The following HFE variants were observed in gnomAD, a reference collection of about 807,000 sequenced individuals.
The protein encoded by HFE is hereditary hemochromatosis protein.
Under a neutral mutation model 40.9 loss-of-function variants are expected in HFE, and 36 were observed. That is an observed-to-expected ratio of 0.88 (90% CI 0.67 to 1.16). The LOEUF is 1.16. Among genes scored for constraint, HFE ranks in the 50% most tolerant of loss-of-function variants. HFE has a pLI of 0.00. For synonymous variants in HFE, 157 were observed against 165.4 expected, an observed-to-expected ratio of 0.95 and a Z score of 0.39; for missense variants, 376 against 432.0, an observed-to-expected ratio of 0.87 and a Z score of 1.15.
rs1046268263 is a variant in HFE, at chr6:26,096,800, T to A, written c.*2574T>A. On this transcript the variant is annotated 3_prime_UTR_variant, in exon 6 of 6. Transcript: ENST00000357618. ...GTATTATTGTTGCATTAAAAATGCA[T>A]ATACTTTAATAAATGTATATTGTAT... 1 of 359,144 alleles carries A rather than the reference T, an allele frequency of 2.8e-6. No individual in the cohort carries two copies. The highest frequency in any genetic ancestry group is 5.4e-6 in the Non-Finnish European group (1 of 185,378). 22.2% of individuals were successfully genotyped at this position (359,144 alleles called of 1,614,324 possible).
chr6:26,092,569 T>C (rs565602916), intron 3 of HFE, 116 bp from the exon 4 acceptor site: 1 of 1,597,584 alleles, frequency 6.3e-7, no homozygotes, highest in Non-Finnish European at 8.5e-7. Flanking sequence ...CTGTAGCTTG[T>C]TTTTTTCTGA....
At chr6:26,089,417 A>T (rs1289793231) in intron 1 of HFE, among the ~76,000 whole-genome samples, 1 of 152,194 alleles carries the variant, frequency 6.6e-6, no homozygotes, top group Non-Finnish European at 1.5e-5. Context: ...CTAGCCAAGG[A>T]GTAACAGTGA....
chr6:26,087,483 T>C lies in HFE; in HGVS notation c.43T>C (p.Leu15=). ...GCCGGCGCTTCTCCTCCTGATGCTT[T>C]TGCAGACCGCGGTCCTGCAGGGGCG... ...ARPALLLLML[L]QTAVLQGRLL... Residue 15 remains leucine (L), a synonymous_variant, in exon 1 of 6, where the codon TTG becomes CTG. Coordinates refer to ENST00000357618, the MANE Select transcript of HFE (RefSeq NM_000410.4). 1.2e-6 allele frequency: 2 copies of C among 1,614,030 alleles called. No individual in the cohort carries two copies. Among genetic ancestry groups the C allele is most frequent in the South Asian group, 1.1e-5 (1 of 91,086 alleles).
Position 26,091,034 on chromosome 6 carries a change from T to A in HFE, c.270T>A (p.Ser90Arg). The A allele has an allele frequency of 6.2e-7, 1 of 1,614,068 alleles. No individual in the cohort carries two copies. The highest frequency in any genetic ancestry group is 1.1e-5 in the South Asian group (1 of 91,078). The change falls in exon 2 of 6, where the codon AGT becomes AGA. Residue 90 changes from serine to arginine, a missense_variant. Physicochemically the swap from Ser to Arg is moderately radical, Grantham distance 110. This residue lies in a region of HFE where 200 missense variants were observed against 228.5 expected (regional missense o/e 0.88). Transcript: ENST00000357618. ...SSQMWLQLSQ[S>R]LKGWDHMFTV... Reference sequence around the variant, plus strand: ...AGATGTGGCTGCAGCTGAGTCAGAGTCTGAAAGGGTGGGATCACATGTTCA... The same window carrying A: ...AGATGTGGCTGCAGCTGAGTCAGAGACTGAAAGGGTGGGATCACATGTTCA...
In HFE at chr6:26,090,871, G is replaced by T. The variant is rs1364493082; in HGVS notation, c.107G>T (p.Gly36Val). The T allele has an allele frequency of 1.2e-6, 2 of 1,613,966 alleles. No homozygotes were observed. Among genetic ancestry groups the T allele is most frequent in the African/African-American group, 2.7e-5 (2 of 74,894 alleles). ...RSHSLHYLFM[G>V]ASEQDLGLSL... Reference sequence around the variant, plus strand: ...CACTCTCTGCACTACCTCTTCATGGGTGCCTCAGAGCAGGACCTTGGTCTT... The same window carrying T: ...CACTCTCTGCACTACCTCTTCATGGTTGCCTCAGAGCAGGACCTTGGTCTT... Residue 36 changes from glycine (G) to valine (V), a missense_variant, in exon 2 of 6, where the codon GGT becomes GTT. By Grantham distance (109) the Gly-to-Val change is moderately radical (BLOSUM62 -3). Around this residue, in one of 3 missense-constraint regions of HFE, gnomAD observed 200 missense variants for 228.5 expected, o/e 0.88. Coordinates refer to ENST00000357618, the MANE Select transcript of HFE (RefSeq NM_000410.4).
In HFE at chr6:26,093,569, G is replaced by A. The variant is rs545370844; in HGVS notation, c.1006+337G>A. On this transcript the variant is annotated intron_variant, in intron 5 of 5. Coordinates refer to ENST00000357618, the MANE Select transcript of HFE (RefSeq NM_000410.4). ...AATGTAGTTAAAGAAGACCCCATGA[G>A]GTCCTAAAGCAGGCAGGAAGCAAAT... Among the ~76,000 whole-genome samples the A allele has an allele frequency of 1.8e-4, 27 of 152,190 alleles. No individual in the cohort carries two copies. In the East Asian group the frequency reaches 5.0e-3, roughly 28 times the overall value.
At chr6:26,089,998 A>G (rs1762564291) in intron 1 of HFE, among the ~76,000 whole-genome samples, 1 of 152,162 alleles carries the variant, frequency 6.6e-6, no homozygotes, top group Admixed American at 6.5e-5. Flanking sequence ...TGGCCTGAGC[A>G]GTGGGGTAAT....
In HFE at chr6:26,095,675, T is replaced by C. The variant is rs917395340; in HGVS notation, c.*1449T>C. ...AAATAGAGAAGGAAGGAGATGGCTC[T>C]TCTCTTGTCTCATTGTGTTTCTTCT... On this transcript the variant is annotated 3_prime_UTR_variant, in exon 6 of 6. Coordinates refer to ENST00000357618, the MANE Select transcript of HFE (RefSeq NM_000410.4). 2 of 152,208 alleles carry C rather than the reference T, an allele frequency of 1.3e-5. No homozygotes were observed. The highest frequency in any genetic ancestry group is 2.9e-5 in the Non-Finnish European group (2 of 68,038). The allele number at this position is 152,208 out of a possible 1,614,324, so 9.4% of individuals were successfully genotyped here. A position where few individuals can be genotyped will look rare whatever the true frequency, so the allele number is the denominator to read the frequency against.
chr6:26,092,146 C>A (rs1762756888), intron 3 of HFE, among the ~76,000 whole-genome samples: 1 of 141,786 alleles, frequency 7.1e-6, no homozygotes. Context: ...TGCACTCCAG[C>A]CTAGGCAGCA....
Position 26,096,966 on chromosome 6 carries a change from G to A in HFE, c.*2740G>A, listed in dbSNP as rs17596719. On this transcript the variant is annotated 3_prime_UTR_variant, in exon 6 of 6. Transcript: ENST00000357618. Reference sequence around the variant, plus strand: ...ATATTTTCATTCAACTGTGGTAGCCGAATTAATCGTGTTTCTTCACTCTAG... The same window carrying A: ...ATATTTTCATTCAACTGTGGTAGCCAAATTAATCGTGTTTCTTCACTCTAG... The A allele has an allele frequency of 0.1, 21,827 of 212,730 alleles. 1,498 individuals are homozygous for A. Among genetic ancestry groups the A allele is most frequent in the South Asian group, 0.19 (3,214 of 16,564 alleles). The allele number at this position is 212,730 out of a possible 1,614,324, so 13.2% of individuals were successfully genotyped here.
In HFE at chr6:26,096,309, T is replaced by C. The variant is rs1051285317; in HGVS notation, c.*2083T>C. Reference sequence around the variant, plus strand: ...CCACCATGCCCGGCTAATTTTTGTATTTTTAGTAGAGACAGGGTTTCACCA... The same window carrying C: ...CCACCATGCCCGGCTAATTTTTGTACTTTTAGTAGAGACAGGGTTTCACCA... On this transcript the variant is annotated 3_prime_UTR_variant, in exon 6 of 6. Transcript: ENST00000357618. 9.3e-5 allele frequency: 33 copies of C among 353,138 alleles called. No homozygotes were observed. The highest frequency in any genetic ancestry group is 9.6e-4 in the Middle Eastern group (1 of 1,046). 21.9% of individuals were successfully genotyped at this position (353,138 alleles called of 1,614,324 possible).
At position 26,094,611 on chromosome 6, in the gene HFE, G is replaced by T; in HGVS notation, c.*385G>T. 1 of 620,408 alleles carries T rather than the reference G, an allele frequency of 1.6e-6. No individual in the cohort carries two copies. Among genetic ancestry groups the T allele is most frequent in the Non-Finnish European group, 2.9e-6 (1 of 348,880 alleles). The allele number at this position is 620,408 out of a possible 1,614,324, so 38.4% of individuals were successfully genotyped here. On this transcript the variant is annotated 3_prime_UTR_variant, in exon 6 of 6. Transcript: ENST00000357618. Reference sequence around the variant, plus strand: ...TGATTCATTTTAACATCTGAGAAAAGCTTTGAACCCTGGGACGTGGCTAGT... The same window carrying T: ...TGATTCATTTTAACATCTGAGAAAATCTTTGAACCCTGGGACGTGGCTAGT...
chr6:26,094,120 A>C, intron 5 of HFE, 66 bp from the exon 6 acceptor site: 1 of 1,461,142 alleles, frequency 6.8e-7, no homozygotes, highest in Non-Finnish European at 9.6e-7. Context: ...AAAATAAGGA[A>C]GAGAGAAGAG....
chr6:26,087,847 C>G (rs114431651), intron 1 of HFE, among the ~76,000 whole-genome samples: 91 of 152,354 alleles, frequency 6.0e-4, no homozygotes, highest in Middle Eastern at 3.4e-3. Flanking sequence ...AAGCCTGGGG[C>G]TCCTTGAACC....
In HFE at chr6:26,094,497, T is replaced by A; in HGVS notation, c.*271T>A. ...CTCAAGCTGCATCTAGAGGCTTCCT[T>A]CATTTCCTCCGTCACCTCAGAGACA... On this transcript the variant is annotated 3_prime_UTR_variant, in exon 6 of 6. Coordinates refer to ENST00000357618, the MANE Select transcript of HFE (RefSeq NM_000410.4). 1.4e-6 allele frequency: 1 copy of A among 702,862 alleles called. No homozygotes were observed. Among genetic ancestry groups the A allele is most frequent in the South Asian group, 1.5e-5 (1 of 67,574 alleles). 43.5% of individuals were successfully genotyped at this position (702,862 alleles called of 1,614,324 possible).
Position 26,092,691 on chromosome 6 carries a change from C to T in HFE, c.623C>T (p.Pro208Leu). Residue 208 changes from proline (P) to leucine (L), a missense_variant, in exon 4 of 6, where the codon CCT becomes CTT. This residue lies in a region of HFE where 173 missense variants were observed against 186.9 expected (regional missense o/e 0.93). Coordinates refer to ENST00000357618, the MANE Select transcript of HFE (RefSeq NM_000410.4). ...CTTCCTCTTTCCTGTCAAGTGCCTC[C>T]TTTGGTGAAGGTGACACATCATGTG... ...GRGVLDQQVP[P>L]LVKVTHHVTS... 1 of 1,614,162 alleles carries T rather than the reference C, an allele frequency of 6.2e-7. No individual in the cohort carries two copies. Among genetic ancestry groups the T allele is most frequent in the South Asian group, 1.1e-5 (1 of 91,076 alleles).
At position 26,095,757 on chromosome 6, in the gene HFE, C is replaced by G. The variant is rs1763004431; in HGVS notation, c.*1531C>G. 6.6e-6 allele frequency: 1 copy of G among 152,226 alleles called. No individual in the cohort carries two copies. The highest frequency in any genetic ancestry group is 6.5e-5 in the Admixed American group (1 of 15,282). 9.4% of individuals were successfully genotyped at this position (152,226 alleles called of 1,614,324 possible). A position where few individuals can be genotyped will look rare whatever the true frequency, so the allele number is the denominator to read the frequency against. ...CAGAAAACAACCAACTGATCCTCAG[C>G]TGTCATGTTTCCTTTAAAAGTCCCT... On this transcript the variant is annotated 3_prime_UTR_variant, in exon 6 of 6. Transcript: ENST00000357618.
intron 3 of HFE, among the ~76,000 whole-genome samples, chr6:26,092,042 T>G (rs1287970959): frequency 6.6e-6 from 1 of 151,700 alleles, no homozygotes; most frequent in Non-Finnish European, 1.5e-5. Context: ...GTCACAGTCA[T>G]GCGCACCTGT....
chr6:26,093,201 G>C lies in HFE; in HGVS notation c.975G>C (p.Leu325Phe). 6.2e-7 allele frequency: 1 copy of C among 1,613,926 alleles called. No homozygotes were observed. The highest frequency in any genetic ancestry group is 8.5e-7 in the Non-Finnish European group (1 of 1,179,844). Residue 325 changes from leucine (L) to phenylalanine (F), a missense_variant, in exon 5 of 6, where the codon TTG becomes TTC. Around this residue, in one of 3 missense-constraint regions of HFE, gnomAD observed 173 missense variants for 186.9 expected, o/e 0.93. Transcript: ENST00000357618. ...TCGTCATCTTGTTCATTGGAATTTT[G>C]TTCATAATATTAAGGAAGAGGCAGG... is the stretch of plus-strand genomic sequence containing the variant. ...VFVVILFIGI[L>F]FIILRKRQGS...
Sources: gnomAD v4.1 joint callset for allele counts (sites outside exome capture counted in the v4.1 genomes callset) on GRCh38, gnomAD v4.1.1 for gene constraint, gnomAD v4.1.1 regional missense constraint, MANE v1.5 for transcripts, NCBI Gene and HGNC (gene_info 2026-07-23, HGNC 2026-07-21) for gene names.